The following KIF20B variants were observed in gnomAD, a reference collection of about 807,000 sequenced individuals.
The protein encoded by KIF20B is kinesin family member 20B.
In KIF20B, 188 loss-of-function variants were observed where a neutral mutation model predicts 232.5. The ratio of observed to expected loss-of-function variants is 0.81; its 90% CI spans 0.72 to 0.91. The LOEUF is 0.91. KIF20B is among the 40% of genes least tolerant of loss of function. KIF20B has a pLI of 0.00. For missense variants in KIF20B, 2,154 were observed against 2,055.9 expected (o/e 1.05, Z -0.92); for synonymous variants, 712 against 683.0 (o/e 1.04, Z -0.66).
intron 6 of KIF20B, among the ~76,000 whole-genome samples, chr10:89,711,645 A>C (rs1842839493): frequency 6.6e-6 from 1 of 152,028 alleles, no homozygotes; most frequent in Non-Finnish European, 1.5e-5. Flanking sequence ...TGATGTGTAT[A>C]TCTTCATACC....
rs762466285 is a variant in KIF20B, at chr10:89,774,085, CAT to C, written c.*39_*40del. ...AAATGTTTAATATAAATTTTATAGT[CAT>C]AGTCATTGGAACTTGCATCCTGTAT... On this transcript the variant is annotated 3_prime_UTR_variant, in exon 33 of 33. Transcript: ENST00000371728. 7.6e-7 allele frequency: 1 copy of C among 1,324,476 alleles called. No individual in the cohort carries two copies. The highest frequency in any genetic ancestry group is 1.1e-6 in the Non-Finnish European group (1 of 948,520). 82.0% of individuals were successfully genotyped at this position (1,324,476 alleles called of 1,614,324 possible).
At chr10:89,768,458 T>C in intron 30 of KIF20B, 67 bp downstream of exon 30, 1 of 961,978 alleles carries the variant, frequency 1.0e-6, no homozygotes, top group South Asian at 1.5e-5. Flanking sequence ...CAATTATAAC[T>C]CATTTATCTT....
chr10:89,735,326 A>G (rs1841625232), intron 19 of KIF20B, among the ~76,000 whole-genome samples: 1 of 152,144 alleles, frequency 6.6e-6, no homozygotes, highest in Non-Finnish European at 1.5e-5. Flanking sequence ...TAGGATTATT[A>G]TTCTATTTAG....
intron 4 of KIF20B, 91 bp from the exon 5 acceptor site, chr10:89,709,836 T>G: frequency 9.8e-7 from 1 of 1,020,258 alleles, no homozygotes; most frequent in Non-Finnish European, 1.3e-6. Context: ...AATGAATCTT[T>G]TAAATTTTTA....
chr10:89,729,757 A>C (rs1330274092), intron 18 of KIF20B, among the ~76,000 whole-genome samples: 1 of 152,248 alleles, frequency 6.6e-6, no homozygotes, highest in Admixed American at 6.5e-5. Context: ...GTTGTCTTTC[A>C]TACAAATTTA....
intron 19 of KIF20B, 56 bp downstream of exon 19, chr10:89,733,112 A>T: frequency 6.3e-7 from 1 of 1,581,308 alleles, no homozygotes; most frequent in South Asian, 1.1e-5. Flanking sequence ...CTAAACCAGT[A>T]AATAGAACAA....
In KIF20B at chr10:89,714,044, T is replaced by A; in HGVS notation, c.676-3T>A. 1.4e-6 allele frequency: 2 copies of A among 1,395,264 alleles called. No individual in the cohort carries two copies. Among genetic ancestry groups the A allele is most frequent in the Non-Finnish European group, 9.7e-7 (1 of 1,033,482 alleles). The allele number at this position is 1,395,264 out of a possible 1,614,324, so 86.4% of individuals were successfully genotyped here. A position where few individuals can be genotyped will look rare whatever the true frequency, so the allele number is the denominator to read the frequency against. ...TAATTTTTTAAAACAATCTTTTTTT[T>A]AGGTTACTGTGCATAATGATAGTGA... On this transcript the variant is annotated splice_polypyrimidine_tract_variant and splice_region_variant and intron_variant, in intron 6 of 32. Coordinates refer to ENST00000371728, the MANE Select transcript of KIF20B (RefSeq NM_001284259.2).
intron 29 of KIF20B, among the ~76,000 whole-genome samples, chr10:89,766,988 A>T (rs923389055): frequency 7.2e-5 from 11 of 151,862 alleles, no homozygotes; most frequent in Non-Finnish European, 1.5e-4. Flanking sequence ...TAAATATTTT[A>T]TTAATTTTAC....
At chr10:89,708,515 C>G (rs1842773385) in intron 2 of KIF20B, among the ~76,000 whole-genome samples, 1 of 152,042 alleles carries the variant, frequency 6.6e-6, no homozygotes, top group Admixed American at 6.6e-5. Context: ...CTGGCCTGAT[C>G]ATTTTCTTAA....
At position 89,711,201 on chromosome 10, in the gene KIF20B, C is replaced by T. The variant is rs182606143; in HGVS notation, c.675+56C>T. Reference sequence around the variant, plus strand: ...TATAATTCCTGACTTCTTATAAACCCTTTAGATTGTTTCACCATATATTGG... The same window carrying T: ...TATAATTCCTGACTTCTTATAAACCTTTTAGATTGTTTCACCATATATTGG... On this transcript the variant is annotated intron_variant, in intron 6 of 32. Transcript: ENST00000371728. 159 of 1,070,730 alleles carry T rather than the reference C, an allele frequency of 1.5e-4. 1 individual carries two copies. The Admixed American group carries it at 4.2e-3, about 28-fold the overall frequency. The allele number at this position is 1,070,730 out of a possible 1,614,324, so 66.3% of individuals were successfully genotyped here. A position where few individuals can be genotyped will look rare whatever the true frequency, so the allele number is the denominator to read the frequency against.
intron 26 of KIF20B, among the ~76,000 whole-genome samples, chr10:89,755,663 G>A (rs1331422650): frequency 1.3e-5 from 2 of 151,820 alleles, no homozygotes; most frequent in Non-Finnish European, 2.9e-5. Context: ...GTGCAGTCAT[G>A]GCTCACTGCC....
intron 25 of KIF20B, among the ~76,000 whole-genome samples, chr10:89,753,749 T>C (rs10881657): frequency 0.26 from 39,827 of 151,844 alleles, 5,547 homozygotes; most frequent in South Asian, 0.45. Context: ...GCCTCCCGAG[T>C]AGCTGGGACT....
Position 89,738,199 on chromosome 10 carries a change from CTT to C in KIF20B, c.3359_3360del (p.Leu1120HisfsTer16), listed in dbSNP as rs1841707867. The C allele has an allele frequency of 1.2e-6, 2 of 1,604,784 alleles. No homozygotes were observed. The highest frequency in any genetic ancestry group is 2.2e-5 in the East Asian group (1 of 44,780). On this transcript the variant is annotated frameshift_variant, in exon 20 of 33. Coordinates refer to ENST00000371728, the MANE Select transcript of KIF20B (RefSeq NM_001284259.2). LOFTEE classifies it high-confidence loss of function. ...TGACCTACTAAAAGAAAAAGAAACT[CTT>C]ATACAGCAGCTGAAAGAAGAATTGC... ...QDDLLKEKET[L>X]IQQLKEELQE...
chr10:89,707,515 T>G (rs1227820746), intron 2 of KIF20B, among the ~76,000 whole-genome samples: 1 of 151,940 alleles, frequency 6.6e-6, no homozygotes. Flanking sequence ...CCATTTTTTT[T>G]TTCCTTTTCT....
chr10:89,731,354 A>G (rs989837645), intron 18 of KIF20B, among the ~76,000 whole-genome samples: 1 of 152,240 alleles, frequency 6.6e-6, no homozygotes, highest in Admixed American at 6.5e-5. Context: ...TTGCTTGTAA[A>G]TAAACTTTAT....
At chr10:89,709,800 A>G in intron 4 of KIF20B, 127 bp from the exon 5 acceptor site, 1 of 613,924 alleles carries the variant, frequency 1.6e-6, no homozygotes, top group Admixed American at 4.0e-5. Flanking sequence ...TATTTGTGGG[A>G]GTGGGGATGT....
At chr10:89,708,549 A>G (rs993765308) in intron 2 of KIF20B, among the ~76,000 whole-genome samples, 10 of 147,544 alleles carry the variant, frequency 6.8e-5, no homozygotes, top group Non-Finnish European at 1.2e-4. Context: ...TTTACTGTTA[A>G]ACTACTAGGG....
At chr10:89,758,268 T>G (rs546672826) in intron 26 of KIF20B, among the ~76,000 whole-genome samples, 1 of 152,212 alleles carries the variant, frequency 6.6e-6, no homozygotes, top group Non-Finnish European at 1.5e-5. Flanking sequence ...TTAATCTCTT[T>G]CAGCAGTATT....
chr10:89,728,271 G>A (rs1326549068), intron 17 of KIF20B, among the ~76,000 whole-genome samples: 1 of 151,874 alleles, frequency 6.6e-6, no homozygotes, highest in Non-Finnish European at 1.5e-5. Flanking sequence ...GACACTAGTT[G>A]TACCAATTAC....
Sources: allele counts gnomAD v4.1 joint callset (sites outside exome capture counted in the v4.1 genomes callset), GRCh38; gene constraint gnomAD v4.1.1; transcripts MANE v1.5; gene names NCBI Gene and HGNC (gene_info 2026-07-23, HGNC 2026-07-21).